Variants in SMAD6 observed in about 807,000 individuals in gnomAD.
The protein encoded by SMAD6 is MAD homolog 6.
In SMAD6, 103 loss-of-function variants were observed where a neutral mutation model predicts 39.4. That is an observed-to-expected ratio of 2.62 (90% confidence interval 2.23 to 3.08). The LOEUF is 3.08. Ranked by LOEUF, SMAD6 falls within the 30% of genes most tolerant of loss-of-function variation. The probability of loss-of-function intolerance (pLI) is 0.00; values close to 1 mark genes in which losing one functional copy is unlikely to be tolerated. For missense variants in SMAD6, 1,104 were observed against 742.9 expected, an observed-to-expected ratio of 1.49 and a Z score of -5.65; for synonymous variants, 445 against 353.3, an observed-to-expected ratio of 1.26 and a Z score of -2.91.
intron 3 of SMAD6, among the ~76,000 whole-genome samples, chr15:66,717,690 C>G (rs563032619): frequency 6.6e-6 from 1 of 152,254 alleles, no homozygotes; most frequent in East Asian, 1.9e-4. Context: ...ATGACTGTTG[C>G]AGAGATGGGG....
At chr15:66,780,945 C>A in intron 3 of SMAD6, 52 bp from the exon 4 acceptor site, 1 of 1,491,566 alleles carries the variant, frequency 6.7e-7, no homozygotes. Flanking sequence ...TCCTCGGTGC[C>A]TCCCACCTCC....
At position 66,782,469 on chromosome 15, in the gene SMAD6, A is replaced by T. The variant is rs1395070404; in HGVS notation, c.*934A>T. 6.6e-6 allele frequency: 1 copy of T among 152,058 alleles called. No individual in the cohort carries two copies. Among genetic ancestry groups the T allele is most frequent in the African/African-American group, 2.4e-5 (1 of 41,398 alleles). The allele number at this position is 152,058 out of a possible 1,614,324, so 9.4% of individuals were successfully genotyped here. On this transcript the variant is annotated 3_prime_UTR_variant, in exon 4 of 4. Transcript: ENST00000288840. The stretch of plus-strand genomic sequence containing the variant: ...CTCGAGCCCCGTAGATCTTTTTAGG[A>T]CCTCCACAGGCTATTTCCCACCCCC...
intron 3 of SMAD6, chr15:66,717,357 A>C: frequency 2.2e-6 from 1 of 456,568 alleles, no homozygotes; most frequent in Non-Finnish European, 4.4e-6. Context: ...AGCAGTCGCC[A>C]AAATCATAGC....
At chr15:66,763,990 A>G (rs1244123180) in intron 3 of SMAD6, among the ~76,000 whole-genome samples, 5 of 152,226 alleles carry the variant, frequency 3.3e-5, no homozygotes, top group Admixed American at 6.5e-5. Flanking sequence ...TCGGCCATCC[A>G]CGGGACTTCC....
chr15:66,771,151 G>C (rs979673392), intron 3 of SMAD6, among the ~76,000 whole-genome samples: 1 of 152,170 alleles, frequency 6.6e-6, no homozygotes, highest in African/African-American at 2.4e-5. Flanking sequence ...AGGTAGAGGC[G>C]TGCTGATGGG....
intron 3 of SMAD6, among the ~76,000 whole-genome samples, chr15:66,732,382 C>T (rs1893645804): frequency 6.6e-6 from 1 of 151,746 alleles, no homozygotes; most frequent in South Asian, 2.1e-4. Flanking sequence ...AACAGCGTCT[C>T]ACTCTGTCAC....
At chr15:66,773,644 G>C (rs1045615892) in intron 3 of SMAD6, among the ~76,000 whole-genome samples, 7 of 152,122 alleles carry the variant, frequency 4.6e-5, no homozygotes, top group African/African-American at 1.7e-4. Context: ...AAAGCTGCCG[G>C]TTGGACTGGA....
At chr15:66,752,906 G>A (rs1411001401) in intron 3 of SMAD6, among the ~76,000 whole-genome samples, 3 of 152,228 alleles carry the variant, frequency 2.0e-5, no homozygotes, top group Non-Finnish European at 4.4e-5. Context: ...CGCTGAGGAG[G>A]TGATGTTTGG....
chr15:66,757,519 C>T (rs915016009), intron 3 of SMAD6, among the ~76,000 whole-genome samples: 9 of 152,170 alleles, frequency 5.9e-5, no homozygotes, highest in Non-Finnish European at 1.3e-4. Flanking sequence ...CAGGCTCACT[C>T]CTGAGGGGTG....
intron 3 of SMAD6, among the ~76,000 whole-genome samples, chr15:66,742,064 T>C (rs1893825122): frequency 6.6e-6 from 1 of 152,218 alleles, no homozygotes; most frequent in African/African-American, 2.4e-5. Context: ...TGCCTTTCCC[T>C]GTCCCCAGTG....
At chr15:66,775,127 G>A (rs530739545) in intron 3 of SMAD6, among the ~76,000 whole-genome samples, 6 of 152,186 alleles carry the variant, frequency 3.9e-5, no homozygotes, top group East Asian at 1.9e-4. Context: ...CTCCCAAAGT[G>A]CTGAGATTAC....
chr15:66,707,519 C>G (rs1404988244), intron 1 of SMAD6: 1 of 152,332 alleles, frequency 6.6e-6, no homozygotes, highest in African/African-American at 2.4e-5. Context: ...AGCCCCCGCC[C>G]TGCCCGGCTC....
intron 1 of SMAD6, chr15:66,708,579 C>A: frequency 2.6e-6 from 1 of 385,178 alleles, no homozygotes. Flanking sequence ...AATGGAATAT[C>A]ATTCACCCAT....
intron 2 of SMAD6, among the ~76,000 whole-genome samples, chr15:66,715,984 GAGGAAGGA>G (rs1164738893): frequency 2.0e-5 from 3 of 152,038 alleles, no homozygotes; most frequent in Admixed American, 2.0e-4. Flanking sequence ...TAGCGGGAGG[GAGGAAGGA>G]AGGAAGGAAG....
At chr15:66,704,659 T>G (rs1317936242) in intron 1 of SMAD6, 2 of 152,252 alleles carry the variant, frequency 1.3e-5, no homozygotes, top group Admixed American at 6.5e-5. Context: ...ACCCTCTTTA[T>G]TCCCCACATA....
rs2140681355 is a variant in SMAD6 at position 66,781,099 on chromosome 15, A to AAT, written c.1055_1056insAT (p.Ala353TrpfsTer187). On this transcript the variant is annotated frameshift_variant, in exon 4 of 4. Coordinates refer to ENST00000288840, the MANE Select transcript of SMAD6 (RefSeq NM_005585.5). LOFTEE classifies it high-confidence loss of function. ...GGCCGCCTCTATGCGGTGTACGACC[A>AAT]GGCCGTCAGCATCTTCTACGACCTA... The AAT allele has an allele frequency of 6.2e-7, 1 of 1,608,684 alleles. No homozygotes were observed. The highest frequency in any genetic ancestry group is 8.5e-7 in the Non-Finnish European group (1 of 1,179,578).
chr15:66,706,032 A>C (rs1893104176), intron 1 of SMAD6: 1 of 152,600 alleles, frequency 6.6e-6, no homozygotes, highest in South Asian at 2.1e-4. Context: ...GACGATGGAC[A>C]GGACCACTCC....
Position 66,711,689 on chromosome 15 carries a change from C to T in SMAD6, c.839C>T (p.Ser280Phe). ...CCAGAATCTCCGCCACCTCCCTACT[C>T]TCGGCTGTCTCCTCGCGACGAGTAC... The part of the protein sequence containing the change: ...CGPESPPPPY[S>F]RLSPRDEYKP... Residue 280 changes from serine (S) to phenylalanine (F), a missense_variant, in exon 2 of 4, where the codon TCT (serine) becomes TTT (phenylalanine). Transcript: ENST00000288840. 6 of 1,614,024 alleles carry T rather than the reference C, an allele frequency of 3.7e-6. No homozygotes were observed. The highest frequency in any genetic ancestry group is 5.1e-6 in the Non-Finnish European group (6 of 1,179,936).
rs1030290268 is a variant in SMAD6, at chr15:66,718,146, G to GTGTGTGTGTGTGTGTC, written c.952+1653_952+1654insGTGTGTGTGTCTGTGT. 1.3e-4 allele frequency among the ~76,000 whole-genome samples: 19 copies of GTGTGTGTGTGTGTGTC among 151,184 alleles called. No homozygotes were observed. The East Asian group carries it at 1.4e-3, about 11-fold the overall frequency. ...TGTGTGTGTGTGTGTGTGTGTGTGT[G>GTGTGTGTGTGTGTGTC]TGTGTCTGTGCATGTGCATACCTTA... On this transcript the variant is annotated intron_variant, in intron 3 of 3. Coordinates refer to ENST00000288840, the MANE Select transcript of SMAD6 (RefSeq NM_005585.5).
Sources: gnomAD v4.1 joint callset for allele counts (sites outside exome capture counted in the v4.1 genomes callset) on GRCh38, gnomAD v4.1.1 for gene constraint, MANE v1.5 for transcripts, NCBI Gene and HGNC (gene_info 2026-07-23, HGNC 2026-07-21) for gene names.